The following PRKN variants were observed in gnomAD, a reference collection of about 807,000 sequenced individuals.
PRKN encodes E3 ubiquitin-protein ligase parkin.
In PRKN, 56 loss-of-function variants were observed where a neutral mutation model predicts 59.5. The ratio of observed to expected loss-of-function variants is 0.94; its 90% confidence interval spans 0.76 to 1.18. The LOEUF (loss-of-function observed/expected upper bound fraction) is 1.18. Among genes scored for constraint, PRKN ranks in the 50% most tolerant of loss-of-function variants. PRKN has a pLI of 0.00. For missense variants in PRKN, 657 were observed against 596.4 expected (o/e 1.10, Z -1.06); for synonymous variants, 250 against 222.1 (o/e 1.13, Z -1.12).
At chr6:161,583,459 T>G (rs573208745) in intron 7 of PRKN, among the ~76,000 whole-genome samples, 265 of 149,842 alleles carry the variant, frequency 1.8e-3, no homozygotes, top group African/African-American at 6.1e-3. Context: ...CATTTCCAGG[T>G]TTTTTTTTTC....
chr6:161,746,640 A>ATG (rs946805506), intron 7 of PRKN, among the ~76,000 whole-genome samples: 12 of 146,766 alleles, frequency 8.2e-5, no homozygotes, highest in East Asian at 2.0e-4. Context: ...ATATGTATAT[A>ATG]TGTATATATC....
chr6:161,969,075 G>C (rs1008573399), intron 6 of PRKN, among the ~76,000 whole-genome samples: 1 of 152,124 alleles, frequency 6.6e-6, no homozygotes, highest in African/African-American at 2.4e-5. Flanking sequence ...AGAGGCAGGA[G>C]GGAGCCCTCT....
intron 4 of PRKN, among the ~76,000 whole-genome samples, chr6:162,167,832 C>T (rs1783061441): frequency 6.6e-6 from 1 of 152,108 alleles, no homozygotes; most frequent in Non-Finnish European, 1.5e-5. Flanking sequence ...CAAACACCAA[C>T]TGTGTTCTTT....
intron 1 of PRKN, among the ~76,000 whole-genome samples, chr6:162,559,349 T>C (rs1450051025): frequency 6.6e-6 from 1 of 152,098 alleles, no homozygotes; most frequent in East Asian, 1.9e-4. Flanking sequence ...AAAAACCACA[T>C]GGACACACAC....
intron 6 of PRKN, among the ~76,000 whole-genome samples, chr6:161,940,692 T>C (rs1418682669): frequency 6.6e-6 from 1 of 152,200 alleles, no homozygotes; most frequent in Non-Finnish European, 1.5e-5. Context: ...TTAATGATTA[T>C]TTCAGATCCT....
rs1320597372 is a variant in PRKN at position 161,503,571 on chromosome 6, A to C, written c.1083+45283T>G. Among the ~76,000 whole-genome samples the C allele has an allele frequency of 5.3e-5, 8 of 152,118 alleles. No homozygotes were observed. Among genetic ancestry groups the C allele is most frequent in the Non-Finnish European group, 1.2e-4 (8 of 68,000 alleles). On this transcript the variant is annotated intron_variant, in intron 9 of 11. Transcript: ENST00000366898. This position sits in a 1 kb window ranked among gnomAD's most constrained non-coding sequence, Gnocchi z 5.1. Reference sequence around the variant, plus strand: ...AATTACCCTCATTTAACAGAGGTTTATGGAGGTGAGGGACTGGACTGAGGG... The same window carrying C: ...AATTACCCTCATTTAACAGAGGTTTCTGGAGGTGAGGGACTGGACTGAGGG...
chr6:162,334,150 T>C (rs1783721109), intron 2 of PRKN, among the ~76,000 whole-genome samples: 1 of 152,140 alleles, frequency 6.6e-6, no homozygotes, highest in Non-Finnish European at 1.5e-5. Flanking sequence ...CTCCATCATG[T>C]AAAAATGCGA....
chr6:161,635,139 C>T (rs1245191702), intron 7 of PRKN, among the ~76,000 whole-genome samples: 2 of 152,154 alleles, frequency 1.3e-5, no homozygotes, highest in African/African-American at 2.4e-5. Context: ...GATAATTTAC[C>T]AAACCCCAAA....
chr6:162,418,495 A>G (rs1788761237), intron 2 of PRKN, among the ~76,000 whole-genome samples: 1 of 152,122 alleles, frequency 6.6e-6, no homozygotes, highest in South Asian at 2.1e-4. Flanking sequence ...TAGCATGTGG[A>G]CTGCATATCA....
intron 8 of PRKN, among the ~76,000 whole-genome samples, chr6:161,565,009 G>A (rs776953408): frequency 2.0e-4 from 31 of 152,092 alleles, no homozygotes; most frequent in African/African-American, 3.1e-4. Context: ...CTCAAATCCC[G>A]AAAATTCTTT....
intron 5 of PRKN, among the ~76,000 whole-genome samples, chr6:162,033,649 A>G (rs1396856816): frequency 6.6e-6 from 1 of 152,172 alleles, no homozygotes; most frequent in Non-Finnish European, 1.5e-5. Flanking sequence ...TCATTCCCAG[A>G]GGTTCTCTTG....
At chr6:162,021,362 T>G (rs1783179609) in intron 5 of PRKN, among the ~76,000 whole-genome samples, 1 of 146,774 alleles carries the variant, frequency 6.8e-6, no homozygotes, top group Admixed American at 6.8e-5. Context: ...AAATTCAAGG[T>G]CATCCAATCC....
At chr6:162,376,368 CA>C (rs1786081949) in intron 2 of PRKN, among the ~76,000 whole-genome samples, 1 of 152,136 alleles carries the variant, frequency 6.6e-6, no homozygotes. Context: ...CAGTTTTACA[CA>C]TATCCACATG....
intron 4 of PRKN, among the ~76,000 whole-genome samples, chr6:162,145,547 A>G (rs73783422): frequency 0.023 from 3,440 of 152,302 alleles, 111 homozygotes; most frequent in African/African-American, 0.079. Flanking sequence ...ACAAATGCAC[A>G]GCAAAGCAAG....
chr6:162,638,159 A>G (rs1056411246), intron 1 of PRKN, among the ~76,000 whole-genome samples: 12 of 139,448 alleles, frequency 8.6e-5, no homozygotes, highest in Non-Finnish European at 1.5e-4. Flanking sequence ...GGAGTTCCAT[A>G]TTATTTCTTT....
chr6:162,435,802 A>G (rs1251946092), intron 2 of PRKN, among the ~76,000 whole-genome samples: 1 of 152,168 alleles, frequency 6.6e-6, no homozygotes, highest in Non-Finnish European at 1.5e-5. Context: ...TCTCTTACAC[A>G]GAAATAAATC....
At chr6:161,863,726 A>G (rs1794000134) in intron 6 of PRKN, among the ~76,000 whole-genome samples, 1 of 152,166 alleles carries the variant, frequency 6.6e-6, no homozygotes, top group African/African-American at 2.4e-5. Context: ...TTGAGATCCA[A>G]GAGAAGACTT....
At chr6:162,606,324 C>A (rs542875076) in intron 1 of PRKN, among the ~76,000 whole-genome samples, 3 of 152,130 alleles carry the variant, frequency 2.0e-5, no homozygotes, top group Non-Finnish European at 4.4e-5. Flanking sequence ...ATGCTTAGAG[C>A]GCTTAGATTA....
chr6:161,732,076 A>G (rs1787738668), intron 7 of PRKN, among the ~76,000 whole-genome samples: 1 of 148,936 alleles, frequency 6.7e-6, no homozygotes, highest in African/African-American at 2.6e-5. Flanking sequence ...CCCAACAGGT[A>G]CTTTTTCTTG....
Sources: gnomAD v4.1 joint callset for allele counts (sites outside exome capture counted in the v4.1 genomes callset) on GRCh38, gnomAD v4.1.1 for gene constraint, Gnocchi (gnomAD v3.1) non-coding constraint, MANE v1.5 for transcripts, NCBI Gene and HGNC (gene_info 2026-07-23, HGNC 2026-07-21) for gene names.